The following NPAT variants were observed in gnomAD, a reference collection of about 807,000 sequenced individuals.
NPAT encodes protein NPAT.
NPAT carries 52 observed loss-of-function variants against 130.7 expected under a neutral mutation model. That is an observed-to-expected ratio of 0.40 (90% CI 0.32 to 0.50). The LOEUF (loss-of-function observed/expected upper bound fraction) is 0.50, where lower values mean the gene tolerates loss of function less well. Ranked by LOEUF, NPAT falls within the 20% of genes least tolerant of loss-of-function variation. The pLI is 0.68. For missense variants in NPAT, 1,687 were observed against 1,662.6 expected (o/e 1.01, Z -0.26); for synonymous variants, 580 against 584.8 (o/e 0.99, Z 0.12).
At chr11:108,188,271 T>G in intron 6 of NPAT, 92 bp from the exon 7 acceptor site, 2 of 978,924 alleles carry the variant, frequency 2.0e-6, no homozygotes, top group South Asian at 2.6e-5. Flanking sequence ...ATTATTATTT[T>G]ATATTAAATT....
intron 2 of NPAT, among the ~76,000 whole-genome samples, chr11:108,196,188 T>G (rs769099948): frequency 6.6e-6 from 1 of 152,236 alleles, no homozygotes; most frequent in Non-Finnish European, 1.5e-5. Context: ...CATATGGATG[T>G]CTGAGTGTTC....
intron 10 of NPAT, among the ~76,000 whole-genome samples, chr11:108,183,096 T>G (rs1010855625): frequency 3.9e-5 from 6 of 152,174 alleles, no homozygotes; most frequent in Non-Finnish European, 7.3e-5. Context: ...TCCTCCCATT[T>G]CAGCCTCCCG....
At position 108,161,003 on chromosome 11, in the gene NPAT, T is replaced by C; in HGVS notation, c.4083A>G (p.Ala1361=). The C allele has an allele frequency of 6.2e-7, 1 of 1,614,230 alleles. No individual in the cohort carries two copies. Among genetic ancestry groups the C allele is most frequent in the African/African-American group, 1.3e-5 (1 of 75,070 alleles). ...PLKDNTQQFR[A]SSRSTTKKRK... ...GCTTTTTTGTGGTGCTCCTTGAAGA[T>C]GCTCTAAACTGTTGTGTGTTATCTT... Residue 1361 remains alanine, a synonymous_variant, in exon 17 of 18, where the codon GCA becomes GCG. Transcript: ENST00000278612.
intron 17 of NPAT, 60 bp downstream of exon 17, chr11:108,160,820 C>T (rs974755081): frequency 1.4e-5 from 21 of 1,464,358 alleles, no homozygotes; most frequent in African/African-American, 5.6e-5. Context: ...CTGCTGAATT[C>T]GCTAATCACT....
chr11:108,192,014 C>T (rs1246727686), intron 4 of NPAT, 104 bp downstream of exon 4: 8 of 827,720 alleles, frequency 9.7e-6, no homozygotes, highest in Non-Finnish European at 1.5e-5. Context: ...AATTTCAAAA[C>T]TGGATGAGTG....
chr11:108,177,481 AG>A (rs1430552258), intron 10 of NPAT, among the ~76,000 whole-genome samples: 2 of 152,150 alleles, frequency 1.3e-5, no homozygotes, highest in African/African-American at 4.8e-5. Context: ...ATTTAATACC[AG>A]CAAAATAATT....
At chr11:108,180,454 T>G (rs1428173132) in intron 10 of NPAT, among the ~76,000 whole-genome samples, 1 of 152,228 alleles carries the variant, frequency 6.6e-6, no homozygotes, top group Non-Finnish European at 1.5e-5. Flanking sequence ...GAAACGATGC[T>G]TAACATCACT....
At chr11:108,210,018 AAAC>A (rs2078369738) in intron 1 of NPAT, among the ~76,000 whole-genome samples, 1 of 151,820 alleles carries the variant, frequency 6.6e-6, no homozygotes, top group Non-Finnish European at 1.5e-5. Flanking sequence ...AAATGAATAA[AAAC>A]AAAAGCTAGT....
At chr11:108,193,068 T>G (rs186555313) in intron 3 of NPAT, among the ~76,000 whole-genome samples, 371 of 152,340 alleles carry the variant, frequency 2.4e-3, no homozygotes, top group Non-Finnish European at 4.6e-3. Context: ...TTTCCTTTGT[T>G]ATCATCTTAT....
intron 1 of NPAT, chr11:108,208,354 G>A: frequency 2.6e-6 from 1 of 391,992 alleles, no homozygotes; most frequent in East Asian, 8.4e-5. Context: ...CTTTGGGGAG[G>A]CTGAGGTGGT....
At chr11:108,183,161 T>C (rs182591009) in intron 10 of NPAT, among the ~76,000 whole-genome samples, 1 of 151,274 alleles carries the variant, frequency 6.6e-6, no homozygotes, top group African/African-American at 2.4e-5. Flanking sequence ...AAAAAAAAAT[T>C]TTTTTTGTAT....
intron 8 of NPAT, 29 bp from the exon 9 acceptor site, chr11:108,185,523 G>A (rs752885658): frequency 7.4e-7 from 1 of 1,357,052 alleles, no homozygotes; most frequent in South Asian, 1.2e-5. Context: ...GTTAGCAAAA[G>A]GACAATAAAG....
chr11:108,172,162 C>A, intron 13 of NPAT, 37 bp downstream of exon 13: 1 of 1,576,114 alleles, frequency 6.3e-7, no homozygotes, highest in Non-Finnish European at 8.7e-7. Flanking sequence ...AGATCCCAAC[C>A]CAGAGAAACA....
At position 108,158,921 on chromosome 11, in the gene NPAT, G is replaced by A. The variant is rs544760764; in HGVS notation, c.*21C>T. The A allele has an allele frequency of 2.8e-6, 4 of 1,454,136 alleles. No individual in the cohort carries two copies. In the South Asian group the frequency reaches 4.6e-5, roughly 17 times the overall value. The allele number at this position is 1,454,136 out of a possible 1,614,324, so 90.1% of individuals were successfully genotyped here. A position where few individuals can be genotyped will look rare whatever the true frequency, so the allele number is the denominator to read the frequency against. On this transcript the variant is annotated 3_prime_UTR_variant, in exon 18 of 18. Transcript: ENST00000278612. ...GGGATATGAGTTTTTAACACCTACT[G>A]TTCTTATGTGTCCAGAATGTTTACT...
chr11:108,203,847 T>C (rs2078297962), intron 1 of NPAT, among the ~76,000 whole-genome samples: 1 of 152,274 alleles, frequency 6.6e-6, no homozygotes, highest in Non-Finnish European at 1.5e-5. Context: ...TCCTTATTTC[T>C]GTTATCTTTG....
Position 108,161,909 on chromosome 11 carries a change from G to A in NPAT, c.3177C>T (p.Cys1059=). 1 of 1,611,794 alleles carries A rather than the reference G, an allele frequency of 6.2e-7. No homozygotes were observed. The part of the protein sequence containing the change: ...EESIVPAAKP[C]HRRVLCFDST... ...TGTCGAAACAGAGTACACGTCTGTGGCATGGTTTAGCAGCTGGAACTATAC... is the reference window on the plus strand; with the variant it reads ...TGTCGAAACAGAGTACACGTCTGTGACATGGTTTAGCAGCTGGAACTATAC... Residue 1059 remains cysteine (C), a synonymous_variant, in exon 17 of 18, where the codon TGC becomes TGT. Coordinates refer to ENST00000278612, the MANE Select transcript of NPAT (RefSeq NM_002519.3).
chr11:108,200,461 C>A (rs1703446019), intron 1 of NPAT, among the ~76,000 whole-genome samples: 1 of 152,128 alleles, frequency 6.6e-6, no homozygotes, highest in Non-Finnish European at 1.5e-5. Context: ...CCTTATGGCT[C>A]CAGGACAGAC....
At chr11:108,162,587 T>C (rs999827996) in intron 15 of NPAT, among the ~76,000 whole-genome samples, 2 of 151,926 alleles carry the variant, frequency 1.3e-5, no homozygotes, top group African/African-American at 4.8e-5. Context: ...CCCCCAACCA[T>C]GCTCAGCTAA....
At chr11:108,208,615 A>G in intron 1 of NPAT, 1 of 341,154 alleles carries the variant, frequency 2.9e-6, no homozygotes, top group Non-Finnish European at 5.8e-6. Flanking sequence ...AGAGAGAGAA[A>G]TAACACTTAT....
Sources: gnomAD v4.1 joint callset for allele counts (sites outside exome capture counted in the v4.1 genomes callset) on GRCh38, gnomAD v4.1.1 for gene constraint, MANE v1.5 for transcripts, NCBI Gene and HGNC (gene_info 2026-07-23, HGNC 2026-07-21) for gene names.